The following PIGK variants were observed in gnomAD, a reference collection of about 807,000 sequenced individuals.
The protein encoded by PIGK is phosphatidylinositol glycan anchor biosynthesis class K, also known as GPI-anchor transamidase.
In PIGK, 42 loss-of-function variants were observed where a neutral mutation model predicts 50.6. That is an observed-to-expected ratio of 0.83 (90% CI 0.65 to 1.07). PIGK has a LOEUF of 1.07. Ranked by LOEUF, PIGK falls within the 50% of genes least tolerant of loss-of-function variation. The probability of loss-of-function intolerance (pLI) is 0.00; values close to 1 mark genes in which losing one functional copy is unlikely to be tolerated. For missense variants in PIGK, 448 were observed against 488.7 expected (o/e 0.92, Z 0.78); for synonymous variants, 151 against 156.0 (o/e 0.97, Z 0.24).
chr1:77,154,175 T>C (rs1324824222), intron 9 of PIGK: 2 of 484,220 alleles, frequency 4.1e-6, no homozygotes, highest in Non-Finnish European at 3.6e-6. Flanking sequence ...ATGGGAAAAG[T>C]TTTAGGCCTT....
chr1:77,153,908 T>C (rs1654950202), intron 9 of PIGK: 1 of 152,558 alleles, frequency 6.6e-6, no homozygotes, highest in Non-Finnish European at 1.5e-5. Flanking sequence ...GACCCATTAT[T>C]TATTTCTAAT....
intron 9 of PIGK, among the ~76,000 whole-genome samples, chr1:77,127,195 G>C (rs891160216): frequency 1.3e-5 from 2 of 152,128 alleles, no homozygotes; most frequent in African/African-American, 4.8e-5. Context: ...TATGAAGTTA[G>C]TCTTTACAAT....
chr1:77,148,587 A>C (rs1046317047), intron 9 of PIGK, among the ~76,000 whole-genome samples: 1 of 152,166 alleles, frequency 6.6e-6, no homozygotes, highest in Non-Finnish European at 1.5e-5. Flanking sequence ...TATAAAAAAA[A>C]CGCAAATTGT....
chr1:77,104,987 A>G (rs1653633335), intron 10 of PIGK, among the ~76,000 whole-genome samples: 1 of 152,174 alleles, frequency 6.6e-6, no homozygotes, highest in African/African-American at 2.4e-5. Flanking sequence ...AGCGAGGGTA[A>G]AAGGCTGGTG....
chr1:77,100,190 T>C (rs1268217318), intron 10 of PIGK, among the ~76,000 whole-genome samples: 2 of 152,152 alleles, frequency 1.3e-5, no homozygotes, highest in Admixed American at 6.5e-5. Context: ...AAATGGAAAA[T>C]TTCCAAGGTT....
chr1:77,202,692 A>G (rs1656197612), intron 3 of PIGK, among the ~76,000 whole-genome samples: 1 of 152,212 alleles, frequency 6.6e-6, no homozygotes, highest in African/African-American at 2.4e-5. Flanking sequence ...ACTGAAATAC[A>G]GAATAAGAAA....
chr1:77,160,736 CAA>C lies in PIGK; in HGVS notation c.813+557_813+558del, dbSNP rs531636617. ...GTAGATTTAATGAAAAGAATCAGCA[CAA>C]AAAAATTCAGGAAAAAAATCTAAAT... On this transcript the variant is annotated intron_variant, in intron 8 of 10. Transcript: ENST00000370812. Among the ~76,000 whole-genome samples, 48 of 152,090 alleles carry C rather than the reference CAA, an allele frequency of 3.2e-4. No individual in the cohort carries two copies. In the East Asian group the frequency reaches 8.1e-3, roughly 26 times the overall value.
At chr1:77,100,484 C>A (rs1052992274) in intron 10 of PIGK, among the ~76,000 whole-genome samples, 3 of 152,080 alleles carry the variant, frequency 2.0e-5, no homozygotes, top group African/African-American at 4.8e-5. Flanking sequence ...GGGATAAATG[C>A]CCTATATAAT....
rs1220267698 is a variant in PIGK at position 77,089,607 on chromosome 1, A to C, written c.*2767T>G. 6.6e-6 allele frequency: 1 copy of C among 152,654 alleles called. No individual in the cohort carries two copies. Among genetic ancestry groups the C allele is most frequent in the Non-Finnish European group, 1.5e-5 (1 of 68,038 alleles). 9.5% of individuals were successfully genotyped at this position (152,654 alleles called of 1,614,324 possible). A position where few individuals can be genotyped will look rare whatever the true frequency, so the allele number is the denominator to read the frequency against. The stretch of plus-strand genomic sequence containing the variant: ...TATACCATAGTAGAAAATACTCAGT[A>C]AGCAGAAACAAGCTGAGTTATGCTT... On this transcript the variant is annotated 3_prime_UTR_variant, in exon 11 of 11. Coordinates refer to ENST00000370812, the MANE Select transcript of PIGK (RefSeq NM_005482.3).
rs1570238504 is a variant in PIGK, at chr1:77,169,324, C to T, written c.311G>A (p.Ser104Asn). Reference protein sequence around the residue: ...PRNPKPATVFSHKNMELNVYG... With the variant: ...PRNPKPATVFNHKNMELNVYG... Reference sequence around the variant, plus strand: ...CACATTTAGTTCCATATTCTTGTGACTAAACACTGTAGCTGGTTTGGGATT... The same window carrying T: ...CACATTTAGTTCCATATTCTTGTGATTAAACACTGTAGCTGGTTTGGGATT... The change falls in exon 4 of 11, where the codon AGT becomes AAT. Residue 104 changes from serine to asparagine, a missense_variant. Physicochemically the swap from Ser to Asn is conservative, Grantham distance 46. Transcript: ENST00000370812. 6.2e-7 allele frequency: 1 copy of T among 1,604,094 alleles called. No homozygotes were observed. The highest frequency in any genetic ancestry group is 8.5e-7 in the Non-Finnish European group (1 of 1,173,300).
At chr1:77,172,429 T>C (rs1028452358) in intron 3 of PIGK, among the ~76,000 whole-genome samples, 3 of 152,154 alleles carry the variant, frequency 2.0e-5, no homozygotes, top group Non-Finnish European at 2.9e-5. Flanking sequence ...TGTGGCTGCA[T>C]TGGAGTCTCT....
chr1:77,214,919 A>G (rs898259786), intron 1 of PIGK, among the ~76,000 whole-genome samples: 1 of 152,192 alleles, frequency 6.6e-6, no homozygotes, highest in Non-Finnish European at 1.5e-5. Context: ...AGAAAAATTA[A>G]ACACCTAGGA....
At chr1:77,130,143 T>C (rs1036971607) in intron 9 of PIGK, among the ~76,000 whole-genome samples, 1 of 150,852 alleles carries the variant, frequency 6.6e-6, no homozygotes, top group African/African-American at 2.4e-5. Context: ...ATGTTACAAA[T>C]AACGTCACCA....
At chr1:77,129,757 T>C in intron 9 of PIGK, 1 of 816,682 alleles carries the variant, frequency 1.2e-6, no homozygotes, top group Non-Finnish European at 1.7e-6. Context: ...TCTGGCCCTT[T>C]ACAGAAAAAG....
chr1:77,195,655 T>G (rs1290587196), intron 3 of PIGK, among the ~76,000 whole-genome samples: 6 of 152,162 alleles, frequency 3.9e-5, no homozygotes, highest in Non-Finnish European at 7.4e-5. Context: ...AAACATCTGC[T>G]TCTTTCTCCT....
chr1:77,171,214 A>C (rs1570239621), intron 3 of PIGK, among the ~76,000 whole-genome samples: 3 of 151,974 alleles, frequency 2.0e-5, no homozygotes, highest in Admixed American at 6.6e-5. Context: ...AGGCGGGCGG[A>C]TCACGAGGTC....
At chr1:77,190,130 GT>G (rs1655864242) in intron 3 of PIGK, among the ~76,000 whole-genome samples, 1 of 152,008 alleles carries the variant, frequency 6.6e-6, no homozygotes, top group Non-Finnish European at 1.5e-5. Context: ...GCTCATGCCT[GT>G]AATCTTGACA....
At chr1:77,161,762 C>A (rs775989494) in intron 6 of PIGK, 51 bp from the exon 7 acceptor site, 4 of 785,080 alleles carry the variant, frequency 5.1e-6, no homozygotes, top group Non-Finnish European at 9.2e-6. Context: ...GTAAATCATA[C>A]ACTAATATTT....
chr1:77,152,024 C>T (rs1654904082), intron 9 of PIGK, among the ~76,000 whole-genome samples: 1 of 151,992 alleles, frequency 6.6e-6, no homozygotes, highest in South Asian at 2.1e-4. Context: ...TATGGAACCA[C>T]AAAAGACCCA....
Sources: gnomAD v4.1 joint callset for allele counts (sites outside exome capture counted in the v4.1 genomes callset) on GRCh38, gnomAD v4.1.1 for gene constraint, MANE v1.5 for transcripts, NCBI Gene and HGNC (gene_info 2026-07-23, HGNC 2026-07-21) for gene names.